Variants in MFSD1 observed in about 807,000 individuals in gnomAD.
MFSD1 encodes major facilitator superfamily domain containing 1, also known as lysosomal dipeptide transporter MFSD1.
Under a neutral mutation model 67.1 loss-of-function variants are expected in MFSD1, and 59 were observed. That is an observed-to-expected ratio of 0.88 (90% confidence interval 0.71 to 1.09). The LOEUF is 1.09. Ranked by LOEUF, MFSD1 falls within the 50% of genes least tolerant of loss-of-function variation. The pLI, the probability that MFSD1 is intolerant of heterozygous loss-of-function variation, is 0.00. For missense variants in MFSD1, 552 were observed against 566.1 expected (o/e 0.97, Z 0.25); for synonymous variants, 213 against 200.3 (o/e 1.06, Z -0.54).
rs779809663 is a variant in MFSD1, at chr3:158,802,170, G to A, written c.18G>A (p.Glu6=). 4.9e-5 allele frequency: 79 copies of A among 1,612,454 alleles called. No homozygotes were observed. Among genetic ancestry groups the A allele is most frequent in the Non-Finnish European group, 6.4e-5 (75 of 1,179,650 alleles). ...CGGGCGCAATGGAGGAGGAGGATGA[G>A]GAAGCGCGGGCGCTCCTGGCAGGCG... MEEED[E]EARALLAGGP... is the part of the protein sequence containing the mutation. The change falls in exon 1 of 16, where the codon GAG becomes GAA. Residue 6 remains glutamate (E), a synonymous_variant. Coordinates refer to ENST00000415822, the MANE Select transcript of MFSD1 (RefSeq NM_022736.4).
intron 2 of MFSD1, 31 bp from the exon 3 acceptor site, chr3:158,805,330 GA>G: frequency 3.3e-6 from 5 of 1,531,338 alleles, no homozygotes; most frequent in Non-Finnish European, 4.5e-6. Context: ...TAACTGTTTG[GA>G]AAAAAATAGT....
At chr3:158,819,835 T>A in intron 8 of MFSD1, 88 bp downstream of exon 8, 1 of 668,864 alleles carries the variant, frequency 1.5e-6, no homozygotes, top group Non-Finnish European at 2.5e-6. Context: ...TGAAGTGTTG[T>A]AAAACCAGGT....
rs1730561821 is a variant in MFSD1, at chr3:158,819,606, T to C, written c.653-43T>C. ...TCCTTAGGAACCTTCTGTTTGGTTC[T>C]CTTTTCAAAGTCTGTTTTTCTTTTT... On this transcript the variant is annotated intron_variant, in intron 7 of 15. Transcript: ENST00000415822. 2.5e-6 allele frequency: 3 copies of C among 1,192,212 alleles called. No homozygotes were observed. In the African/African-American group the frequency reaches 4.9e-5, roughly 20 times the overall value. 73.9% of individuals were successfully genotyped at this position (1,192,212 alleles called of 1,614,324 possible).
chr3:158,803,068 C>T (rs529383362), intron 1 of MFSD1, among the ~76,000 whole-genome samples: 1 of 152,096 alleles, frequency 6.6e-6, no homozygotes, highest in African/African-American at 2.4e-5. Flanking sequence ...TCATATTGGA[C>T]GGGACTTGTG....
chr3:158,809,652 G>A (rs1393227360), intron 6 of MFSD1, among the ~76,000 whole-genome samples: 1 of 152,144 alleles, frequency 6.6e-6, no homozygotes, highest in Non-Finnish European at 1.5e-5. Flanking sequence ...AGCTTGCTCT[G>A]TGATGAAGCA....
At chr3:158,802,938 C>T (rs1340186682) in intron 1 of MFSD1, among the ~76,000 whole-genome samples, 3 of 152,126 alleles carry the variant, frequency 2.0e-5, no homozygotes, top group African/African-American at 4.8e-5. Flanking sequence ...TGAATGATTT[C>T]GTCGGCAGTC....
rs138305238 is a variant in MFSD1 at position 158,810,853 on chromosome 3, A to G, written c.549+1566A>G. On this transcript the variant is annotated intron_variant, in intron 6 of 15. Coordinates refer to ENST00000415822, the MANE Select transcript of MFSD1 (RefSeq NM_022736.4). ...TTTGGTAAATAGTGTGGTTTTCCATATTTTCTAAATTTTGCCTATAAGGAT... is the reference window on the plus strand; with the variant it reads ...TTTGGTAAATAGTGTGGTTTTCCATGTTTTCTAAATTTTGCCTATAAGGAT... Among the ~76,000 whole-genome samples the G allele has an allele frequency of 2.4e-3, 367 of 152,242 alleles. 2 individuals carry two copies. Among genetic ancestry groups the G allele is most frequent in the African/African-American group, 8.5e-3 (353 of 41,534 alleles).
chr3:158,808,239 A>G (rs1362058778), intron 5 of MFSD1, among the ~76,000 whole-genome samples: 1 of 152,158 alleles, frequency 6.6e-6, no homozygotes, highest in Non-Finnish European at 1.5e-5. Context: ...AGAGAGGGAA[A>G]ATATTTTTGG....
chr3:158,821,712 C>A, intron 10 of MFSD1, 59 bp downstream of exon 10: 2 of 1,376,082 alleles, frequency 1.5e-6, no homozygotes, highest in South Asian at 1.3e-5. Flanking sequence ...TCTTTATAAT[C>A]AAATGTTAAA....
rs1461483007 is a variant in MFSD1 at position 158,823,540 on chromosome 3, T to C, written c.1175+15T>C. On this transcript the variant is annotated intron_variant, in intron 12 of 15. Coordinates refer to ENST00000415822, the MANE Select transcript of MFSD1 (RefSeq NM_022736.4). ...GCATATGGCTTGTAAGTATTTACGCTGTGGATCGTATATGTCTGTCTCTGC... is the reference window on the plus strand; with the variant it reads ...GCATATGGCTTGTAAGTATTTACGCCGTGGATCGTATATGTCTGTCTCTGC... 1 of 1,522,766 alleles carries C rather than the reference T, an allele frequency of 6.6e-7. No homozygotes were observed. The highest frequency in any genetic ancestry group is 1.4e-5 in the African/African-American group (1 of 73,060). The allele number at this position is 1,522,766 out of a possible 1,614,324, so 94.3% of individuals were successfully genotyped here.
At position 158,823,459 on chromosome 3, in the gene MFSD1, C is replaced by T. The variant is rs1239751532; in HGVS notation, c.1109C>T (p.Ala370Val). The T allele has an allele frequency of 1.9e-6, 3 of 1,613,588 alleles. No homozygotes were observed. Among genetic ancestry groups the T allele is most frequent in the Non-Finnish European group, 2.5e-6 (3 of 1,179,674 alleles). ...CLLGLSYSLL[A>V]CALWPMVAFV... ...CTGGGACTCTCCTACTCATTGCTTGCCTGTGCATTGTGGCCAATGGTGGCA... is the reference window on the plus strand; with the variant it reads ...CTGGGACTCTCCTACTCATTGCTTGTCTGTGCATTGTGGCCAATGGTGGCA... Residue 370 changes from alanine to valine, a missense_variant, in exon 12 of 16, where the codon GCC (alanine) becomes GTC (valine). By Grantham distance (64) the Ala-to-Val change is moderately conservative. Coordinates refer to ENST00000415822, the MANE Select transcript of MFSD1 (RefSeq NM_022736.4).
Position 158,804,395 on chromosome 3 carries a change from T to G in MFSD1, c.216+24T>G, listed in dbSNP as rs184922654. ...GAGTAAGTTGATTTTTCACTCTTGTTTCTTTTGTTTTCTTTAGAGCAAGTG... is the reference window on the plus strand; with the variant it reads ...GAGTAAGTTGATTTTTCACTCTTGTGTCTTTTGTTTTCTTTAGAGCAAGTG... On this transcript the variant is annotated intron_variant, in intron 2 of 15. Transcript: ENST00000415822. The G allele has an allele frequency of 2.8e-4, 441 of 1,593,764 alleles. 3 individuals carry two copies. In the East Asian group the frequency reaches 8.6e-3, roughly 31 times the overall value.
At chr3:158,805,264 A>T in intron 2 of MFSD1, 98 bp from the exon 3 acceptor site, 2 of 967,958 alleles carry the variant, frequency 2.1e-6, no homozygotes, top group Non-Finnish European at 3.3e-6. Context: ...CAGAAAGAAG[A>T]ATGTAACTAC....
intron 6 of MFSD1, 22 bp downstream of exon 6, chr3:158,809,309 A>G: frequency 7.0e-7 from 1 of 1,428,748 alleles, no homozygotes; most frequent in Non-Finnish European, 9.7e-7. Context: ...GAAAAGCCTG[A>G]TGAAGCCAAA....
intron 6 of MFSD1, among the ~76,000 whole-genome samples, chr3:158,809,922 T>G (rs768283486): frequency 6.6e-6 from 1 of 152,228 alleles, no homozygotes; most frequent in Non-Finnish European, 1.5e-5. Flanking sequence ...TCTGAACTTA[T>G]CTCAGTTAGC....
At position 158,809,310 on chromosome 3, in the gene MFSD1, T is replaced by A. The variant is rs369833350; in HGVS notation, c.549+23T>A. 15 of 1,432,310 alleles carry A rather than the reference T, an allele frequency of 1.0e-5. No individual in the cohort carries two copies. In the Middle Eastern group the frequency reaches 5.7e-4, roughly 54 times the overall value. 88.7% of individuals were successfully genotyped at this position (1,432,310 alleles called of 1,614,324 possible). ...ATTGTAAGTATAATGAAAAGCCTGATGAAGCCAAATGGAAGCAAAAGATTA... is the reference window on the plus strand; with the variant it reads ...ATTGTAAGTATAATGAAAAGCCTGAAGAAGCCAAATGGAAGCAAAAGATTA... On this transcript the variant is annotated intron_variant, in intron 6 of 15. Transcript: ENST00000415822.
At chr3:158,828,473 AT>A (rs773353361) in intron 15 of MFSD1, among the ~76,000 whole-genome samples, 4 of 152,172 alleles carry the variant, frequency 2.6e-5, no homozygotes. Context: ...TAGTCATATT[AT>A]GTTAAAAGTT....
chr3:158,827,131 T>G (rs1010155421), intron 14 of MFSD1, 149 bp from the exon 15 acceptor site: 2 of 533,686 alleles, frequency 3.7e-6, no homozygotes, highest in African/African-American at 4.0e-5. Flanking sequence ...TTCCAGTAGA[T>G]AAACCATTAC....
chr3:158,816,757 T>G (rs1176417328), intron 7 of MFSD1, among the ~76,000 whole-genome samples: 6 of 151,336 alleles, frequency 4.0e-5, no homozygotes, highest in Non-Finnish European at 7.4e-5. Context: ...ATGCCTAGGT[T>G]TTCTTCGAGG....
Sources: gnomAD v4.1 joint callset for allele counts (sites outside exome capture counted in the v4.1 genomes callset) on GRCh38, gnomAD v4.1.1 for gene constraint, MANE v1.5 for transcripts, NCBI Gene and HGNC (gene_info 2026-07-23, HGNC 2026-07-21) for gene names.